Variants in ZNF407 observed in about 807,000 individuals in gnomAD.
ZNF407 encodes zinc finger protein 407.
In ZNF407, 17 loss-of-function variants were observed where a neutral mutation model predicts 131.2. The ratio of observed to expected loss-of-function variants is 0.13; its 90% CI spans 0.09 to 0.19. The LOEUF (loss-of-function observed/expected upper bound fraction) is 0.19, where lower values mean the gene tolerates loss of function less well. Among genes scored for constraint, ZNF407 ranks in the 10% least tolerant of loss-of-function variants. The pLI, the probability that ZNF407 is intolerant of heterozygous loss-of-function variation, is 1.00. For missense variants in ZNF407, 2,681 were observed against 2,830.6 expected (o/e 0.95, Z 1.20); for synonymous variants, 1,156 against 1,062.0 (o/e 1.09, Z -1.72).
chr18:74,954,247 C>T (rs4891208), intron 8 of ZNF407, among the ~76,000 whole-genome samples: 29,506 of 152,122 alleles, frequency 0.19, 3,447 homozygotes, highest in African/African-American at 0.3. Flanking sequence ...GAAACAGTTA[C>T]TTGGGAGAAA....
At chr18:74,947,538 T>A (rs752232953) in intron 8 of ZNF407, among the ~76,000 whole-genome samples, 1 of 152,178 alleles carries the variant, frequency 6.6e-6, no homozygotes, top group Non-Finnish European at 1.5e-5. Flanking sequence ...GAAGCTCAAG[T>A]CAGGCTGCAG....
At chr18:74,840,436 A>T (rs192744865) in intron 4 of ZNF407, among the ~76,000 whole-genome samples, 4 of 152,220 alleles carry the variant, frequency 2.6e-5, no homozygotes, top group South Asian at 2.1e-4. Context: ...GTTGATGTCT[A>T]ATAGGCATCT....
chr18:74,683,428 G>T (rs1345913119), intron 3 of ZNF407, among the ~76,000 whole-genome samples: 1 of 152,120 alleles, frequency 6.6e-6, no homozygotes, highest in African/African-American at 2.4e-5. Flanking sequence ...CTGTGGGGTG[G>T]TTTGTGTTTG....
intron 3 of ZNF407, among the ~76,000 whole-genome samples, chr18:74,711,300 A>G (rs1469652972): frequency 6.6e-6 from 1 of 152,160 alleles, no homozygotes; most frequent in Non-Finnish European, 1.5e-5. Flanking sequence ...TGCCTGGCAA[A>G]GGGGAATGAA....
chr18:75,010,579 G>A (rs1018359970), intron 8 of ZNF407, among the ~76,000 whole-genome samples: 1 of 152,138 alleles, frequency 6.6e-6, no homozygotes, highest in African/African-American at 2.4e-5. Context: ...CGGGCATGCT[G>A]AAAATTTCAG....
At chr18:75,060,523 T>G (rs1568315021) in intron 8 of ZNF407, among the ~76,000 whole-genome samples, 1 of 148,456 alleles carries the variant, frequency 6.7e-6, no homozygotes, top group African/African-American at 2.5e-5. Flanking sequence ...TTTTTTTTTT[T>G]GCGACGGAGT....
chr18:74,892,384 C>G (rs1451775839), intron 7 of ZNF407, among the ~76,000 whole-genome samples: 1 of 152,130 alleles, frequency 6.6e-6, no homozygotes, highest in African/African-American at 2.4e-5. Flanking sequence ...GTGGACCAAC[C>G]TCATAGGATT....
intron 3 of ZNF407, among the ~76,000 whole-genome samples, chr18:74,644,074 A>G (rs1465433509): frequency 2.0e-5 from 3 of 151,992 alleles, no homozygotes; most frequent in Non-Finnish European, 1.5e-5. Flanking sequence ...ATGTCATGGT[A>G]AAAATTTCAA....
chr18:74,622,732 GTGTC>G (rs10662598), intron 1 of ZNF407, among the ~76,000 whole-genome samples: 126,519 of 151,728 alleles, frequency 0.83, 52,996 homozygotes, highest in Middle Eastern at 0.89. Context: ...ATAGTGGTGT[GTGTC>G]TGTGAGTGTG....
intron 4 of ZNF407, among the ~76,000 whole-genome samples, chr18:74,825,319 A>T (rs1356147735): frequency 6.6e-6 from 1 of 152,138 alleles, no homozygotes; most frequent in African/African-American, 2.4e-5. Flanking sequence ...CCTATTCAAC[A>T]TAGTATTGGA....
At chr18:74,761,940 G>T (rs1420916764) in intron 3 of ZNF407, among the ~76,000 whole-genome samples, 6 of 152,072 alleles carry the variant, frequency 3.9e-5, no homozygotes, top group Non-Finnish European at 8.8e-5. Context: ...ATTTCAAATT[G>T]CTAGTATTTG....
intron 8 of ZNF407, among the ~76,000 whole-genome samples, chr18:75,010,798 A>G (rs896973297): frequency 3.3e-5 from 5 of 152,126 alleles, no homozygotes; most frequent in African/African-American, 1.2e-4. Flanking sequence ...CATGCCTCCT[A>G]CTTGTGGATC....
chr18:74,712,360 T>C (rs898377395), intron 3 of ZNF407, among the ~76,000 whole-genome samples: 1 of 152,268 alleles, frequency 6.6e-6, no homozygotes, highest in Admixed American at 6.5e-5. Flanking sequence ...TTAGAAAATA[T>C]AAAATGCTAT....
intron 3 of ZNF407, among the ~76,000 whole-genome samples, chr18:74,683,432 G>A (rs1197713560): frequency 6.6e-6 from 1 of 152,146 alleles, no homozygotes; most frequent in Non-Finnish European, 1.5e-5. Flanking sequence ...GGGGTGGTTT[G>A]TGTTTGGTTT....
chr18:74,746,163 A>G (rs768269142), intron 3 of ZNF407, among the ~76,000 whole-genome samples: 1 of 152,166 alleles, frequency 6.6e-6, no homozygotes, highest in East Asian at 1.9e-4. Context: ...TAAACATAGA[A>G]TGGTACAGTA....
intron 3 of ZNF407, among the ~76,000 whole-genome samples, chr18:74,694,293 G>A (rs536921457): frequency 2.0e-4 from 30 of 152,258 alleles, no homozygotes; most frequent in African/African-American, 5.5e-4. Flanking sequence ...AGGTGTGACC[G>A]TTTCGTGTCT....
intron 3 of ZNF407, among the ~76,000 whole-genome samples, chr18:74,694,104 G>A (rs1395111686): frequency 6.6e-6 from 1 of 152,130 alleles, no homozygotes; most frequent in African/African-American, 2.4e-5. Context: ...TGGATATTGT[G>A]AATTTTGGGT....
At chr18:74,874,743 A>ATT (rs5826353) in intron 4 of ZNF407, among the ~76,000 whole-genome samples, 7 of 151,386 alleles carry the variant, frequency 4.6e-5, no homozygotes, top group Non-Finnish European at 8.8e-5. Context: ...ATGGCATTTA[A>ATT]TTTTTTTTTC....
intron 4 of ZNF407, among the ~76,000 whole-genome samples, chr18:74,817,566 A>T (rs899126632): frequency 6.6e-6 from 1 of 152,184 alleles, no homozygotes; most frequent in African/African-American, 2.4e-5. Context: ...TATTAAGGAA[A>T]ATTGTGCATT....
Sources: gnomAD v4.1 joint callset for allele counts (sites outside exome capture counted in the v4.1 genomes callset) on GRCh38, gnomAD v4.1.1 for gene constraint, MANE v1.5 for transcripts, NCBI Gene and HGNC (gene_info 2026-07-23, HGNC 2026-07-21) for gene names.